Variants in PRKCH observed in about 807,000 individuals in gnomAD.
The protein encoded by PRKCH is protein kinase C eta.
A neutral mutation model predicts 82.5 loss-of-function variants in PRKCH; 28 were observed. The ratio of observed to expected loss-of-function variants is 0.34; its 90% CI spans 0.25 to 0.47. PRKCH has a LOEUF of 0.47. PRKCH is among the 20% of genes least tolerant of loss of function. PRKCH has a pLI of 1.00. For synonymous variants in PRKCH, 322 were observed against 327.4 expected (o/e 0.98, Z 0.18); for missense variants, 705 against 881.8 (o/e 0.80, Z 2.54).
intron 10 of PRKCH, among the ~76,000 whole-genome samples, chr14:61,524,836 A>G (rs2042946838): frequency 6.6e-6 from 1 of 152,214 alleles, no homozygotes; most frequent in Non-Finnish European, 1.5e-5. Flanking sequence ...CAGCTTCATC[A>G]AAGAGAAGAA....
At position 61,347,523 on chromosome 14, in the gene PRKCH, G is replaced by A. The variant is rs555438567; in HGVS notation, c.363+25059G>A. ...TGGGCCTAAGGCAATTGGAACATCTGTAGTTTATTTCCTAATCCCAATTTT... is the reference window on the plus strand; with the variant it reads ...TGGGCCTAAGGCAATTGGAACATCTATAGTTTATTTCCTAATCCCAATTTT... On this transcript the variant is annotated intron_variant, in intron 1 of 13. Coordinates refer to ENST00000332981, the MANE Select transcript of PRKCH (RefSeq NM_006255.5). 5.3e-5 allele frequency among the ~76,000 whole-genome samples: 8 copies of A among 152,286 alleles called. No individual in the cohort carries two copies. The South Asian group carries it at 1.7e-3, about 32-fold the overall frequency.
At chr14:61,216,167 A>G (rs2044615045) in intron 1 of PRKCH, among the ~76,000 whole-genome samples, 1 of 152,168 alleles carries the variant, frequency 6.6e-6, no homozygotes, top group African/African-American at 2.4e-5. Flanking sequence ...TGGGGATAAA[A>G]AAATTAAAAA....
At chr14:61,348,814 C>T (rs1274091854) in intron 1 of PRKCH, among the ~76,000 whole-genome samples, 1 of 152,240 alleles carries the variant, frequency 6.6e-6, no homozygotes, top group East Asian at 1.9e-4. Context: ...GGCACTTGCA[C>T]ATATTTATAA....
At chr14:61,425,938 C>G (rs1482654008) in intron 2 of PRKCH, among the ~76,000 whole-genome samples, 1 of 152,204 alleles carries the variant, frequency 6.6e-6, no homozygotes, top group Non-Finnish European at 1.5e-5. Flanking sequence ...CCCTTCACTT[C>G]TCCCACACAC....
chr14:61,492,104 A>T (rs1886472759), intron 10 of PRKCH: 1 of 152,298 alleles, frequency 6.6e-6, no homozygotes, highest in African/African-American at 2.4e-5. Context: ...AACAGGAAGG[A>T]GTGTGGCAAG....
At chr14:61,513,691 G>A (rs573603226) in intron 10 of PRKCH, among the ~76,000 whole-genome samples, 176 of 152,026 alleles carry the variant, frequency 1.2e-3, no homozygotes, top group Non-Finnish European at 2.2e-3. Flanking sequence ...TAGATTCAGC[G>A]GACTTATATT....
chr14:61,459,965 C>T (rs1356124169), intron 9 of PRKCH, among the ~76,000 whole-genome samples: 1 of 152,034 alleles, frequency 6.6e-6, no homozygotes, highest in Admixed American at 6.6e-5. Context: ...CACCTCAGCC[C>T]CCTGAGAAAC....
intron 2 of PRKCH, among the ~76,000 whole-genome samples, chr14:61,414,749 G>T (rs1882466774): frequency 6.6e-6 from 1 of 152,130 alleles, no homozygotes; most frequent in Non-Finnish European, 1.5e-5. Context: ...AAAGTGCTGG[G>T]ATTACAGGCA....
At chr14:61,512,822 AGTTT>A (rs1249132633) in intron 10 of PRKCH, among the ~76,000 whole-genome samples, 1 of 151,970 alleles carries the variant, frequency 6.6e-6, no homozygotes, top group African/African-American at 2.4e-5. Flanking sequence ...TTTTTAAATA[AGTTT>A]GTTTGTTCAT....
chr14:61,341,175 A>G (rs923732118), intron 1 of PRKCH, among the ~76,000 whole-genome samples: 6 of 151,972 alleles, frequency 3.9e-5, no homozygotes, highest in African/African-American at 1.2e-4. Context: ...AGGGTTCCCA[A>G]TCGGCTGGCC....
intron 13 of PRKCH, among the ~76,000 whole-genome samples, chr14:61,549,005 C>G (rs904246708): frequency 1.3e-5 from 2 of 152,110 alleles, no homozygotes; most frequent in African/African-American, 4.8e-5. Context: ...ATACAGTGCA[C>G]TTAATCACTA....
At chr14:61,403,089 G>T (rs1186788342) in intron 2 of PRKCH, among the ~76,000 whole-genome samples, 1 of 151,918 alleles carries the variant, frequency 6.6e-6, no homozygotes, top group African/African-American at 2.4e-5. Flanking sequence ...GTAAAATAAT[G>T]CCACTCTCTC....
intron 1 of PRKCH, among the ~76,000 whole-genome samples, chr14:61,371,433 T>C (rs1201155679): frequency 6.6e-6 from 1 of 152,098 alleles, no homozygotes; most frequent in Non-Finnish European, 1.5e-5. Context: ...TAGGTTCTTC[T>C]AGTCTGTGAC....
chr14:61,484,583 A>G (rs765006983), intron 9 of PRKCH, among the ~76,000 whole-genome samples: 1 of 152,068 alleles, frequency 6.6e-6, no homozygotes, highest in Admixed American at 6.6e-5. Context: ...CACTACTTGC[A>G]TAGTATTTAG....
At chr14:61,244,723 T>C (rs2044866008) in intron 1 of PRKCH, among the ~76,000 whole-genome samples, 1 of 152,014 alleles carries the variant, frequency 6.6e-6, no homozygotes, top group African/African-American at 2.4e-5. Flanking sequence ...TAATGAGGAG[T>C]TATTAAATAT....
intron 1 of PRKCH, among the ~76,000 whole-genome samples, chr14:61,232,851 G>A (rs912856784): frequency 1.3e-5 from 2 of 152,224 alleles, no homozygotes; most frequent in African/African-American, 2.4e-5. Flanking sequence ...TCATGTGACC[G>A]TACCCCATCC....
chr14:61,506,635 T>A (rs1887163177), intron 10 of PRKCH, among the ~76,000 whole-genome samples: 1 of 152,204 alleles, frequency 6.6e-6, no homozygotes, highest in Non-Finnish European at 1.5e-5. Context: ...CCTGGGGCTC[T>A]TTATTCTCAG....
intron 1 of PRKCH, among the ~76,000 whole-genome samples, chr14:61,378,026 C>T (rs1249326332): frequency 6.6e-6 from 1 of 152,110 alleles, no homozygotes; most frequent in Admixed American, 6.5e-5. Flanking sequence ...GACATTCCTC[C>T]AATGACACTG....
chr14:61,367,735 T>A (rs1454426146), intron 1 of PRKCH, among the ~76,000 whole-genome samples: 14 of 125,734 alleles, frequency 1.1e-4, no homozygotes, highest in African/African-American at 4.0e-4. Context: ...TTTTTTTTTT[T>A]AAACAGTCTC....
Sources: allele counts gnomAD v4.1 joint callset (sites outside exome capture counted in the v4.1 genomes callset), GRCh38; gene constraint gnomAD v4.1.1; transcripts MANE v1.5; gene names NCBI Gene and HGNC (gene_info 2026-07-23, HGNC 2026-07-21).